Variants in LSAMP observed in about 807,000 individuals in gnomAD.
LSAMP encodes limbic system associated membrane protein.
LSAMP carries 7 observed loss-of-function variants against 38.6 expected under a neutral mutation model. That is an observed-to-expected ratio of 0.18 (90% CI 0.10 to 0.34). The LOEUF (loss-of-function observed/expected upper bound fraction) is 0.34, where lower values mean the gene tolerates loss of function less well. Ranked by LOEUF, LSAMP falls within the 10% of genes least tolerant of loss-of-function variation. The pLI, the probability that LSAMP is intolerant of heterozygous loss-of-function variation, is 1.00. For synonymous variants in LSAMP, 154 were observed against 166.8 expected (o/e 0.92, Z 0.59); for missense variants, 313 against 420.0 (o/e 0.75, Z 2.23).
chr3:115,859,387 GA>G, intron 3 of LSAMP, among the ~76,000 whole-genome samples: 1 of 152,162 alleles, frequency 6.6e-6, no homozygotes, highest in East Asian at 1.9e-4. Flanking sequence ...GGAGAGATGT[GA>G]TATAATGAGA....
At chr3:115,832,155 A>G (rs979156769) in intron 6 of LSAMP, among the ~76,000 whole-genome samples, 2 of 152,206 alleles carry the variant, frequency 1.3e-5, no homozygotes, top group East Asian at 1.9e-4. Context: ...AGATCCTCCA[A>G]TGAGAGATAT....
chr3:116,415,982 A>G (rs1380920969), intron 1 of LSAMP, among the ~76,000 whole-genome samples: 1 of 152,188 alleles, frequency 6.6e-6, no homozygotes, highest in Non-Finnish European at 1.5e-5. Context: ...CCTTAAAGTG[A>G]TGACATTCAC....
intron 1 of LSAMP, among the ~76,000 whole-genome samples, chr3:116,365,960 A>G (rs2048345859): frequency 1.0e-5 from 1 of 96,926 alleles, no homozygotes; most frequent in Non-Finnish European, 2.0e-5. Context: ...ACATGTATAC[A>G]TATGTAACTA....
At chr3:115,826,727 T>C (rs1393267071) in intron 6 of LSAMP, among the ~76,000 whole-genome samples, 4 of 152,190 alleles carry the variant, frequency 2.6e-5, no homozygotes, top group Non-Finnish European at 5.9e-5. Context: ...TGCCAAAAAA[T>C]GAGTTTTTAA....
intron 2 of LSAMP, among the ~76,000 whole-genome samples, chr3:116,055,737 G>A (rs1399785804): frequency 1.3e-5 from 2 of 152,184 alleles, no homozygotes; most frequent in African/African-American, 4.8e-5. Flanking sequence ...AGTGAAGAGT[G>A]ATTGGAGAAA....
chr3:116,344,211 T>C (rs535144174), intron 1 of LSAMP, among the ~76,000 whole-genome samples: 1 of 152,172 alleles, frequency 6.6e-6, no homozygotes, highest in African/African-American at 2.4e-5. Context: ...TGCTGAACTT[T>C]CTCCTTAAAA....
At chr3:116,444,448 C>T (rs1187216307) in intron 1 of LSAMP, among the ~76,000 whole-genome samples, 1 of 148,808 alleles carries the variant, frequency 6.7e-6, no homozygotes, top group Admixed American at 6.7e-5. Context: ...GTACTGTGTA[C>T]TACTCTCTGA....
chr3:116,154,202 G>C (rs1030610914), intron 1 of LSAMP, among the ~76,000 whole-genome samples: 1 of 152,114 alleles, frequency 6.6e-6, no homozygotes, highest in African/African-American at 2.4e-5. Flanking sequence ...CATGGGCCTT[G>C]TCAGGATAAT....
chr3:116,115,865 T>C (rs1708730826), intron 1 of LSAMP, among the ~76,000 whole-genome samples: 1 of 152,006 alleles, frequency 6.6e-6, no homozygotes, highest in South Asian at 2.1e-4. Flanking sequence ...CCTACTTGGA[T>C]TTTTCTTGGT....
intron 1 of LSAMP, among the ~76,000 whole-genome samples, chr3:116,194,280 G>A (rs1331094893): frequency 6.6e-6 from 1 of 152,154 alleles, no homozygotes; most frequent in African/African-American, 2.4e-5. Flanking sequence ...AGCAATATAG[G>A]CAGCGGAAGA....
intron 3 of LSAMP, among the ~76,000 whole-genome samples, chr3:116,008,467 ATAT>A (rs1352362002): frequency 6.6e-6 from 1 of 152,194 alleles, no homozygotes; most frequent in African/African-American, 2.4e-5. Flanking sequence ...GGCAGGGCAC[ATAT>A]TATTGTCTAC....
At chr3:115,841,045 G>A (rs1371424925) in intron 6 of LSAMP, among the ~76,000 whole-genome samples, 2 of 152,202 alleles carry the variant, frequency 1.3e-5, no homozygotes, top group Non-Finnish European at 2.9e-5. Flanking sequence ...ATCGGCATCT[G>A]CTTCTGTGCT....
chr3:116,063,480 G>A (rs1349714481), intron 2 of LSAMP, among the ~76,000 whole-genome samples: 2 of 152,146 alleles, frequency 1.3e-5, no homozygotes, highest in Admixed American at 6.5e-5. Context: ...CAGAATAGCT[G>A]TATATCCTAC....
rs1939538334 is a variant in LSAMP, at chr3:115,987,356, T to G, written c.514+32159A>C. On this transcript the variant is annotated intron_variant, in intron 3 of 6. Transcript: ENST00000490035. The stretch of plus-strand genomic sequence containing the variant: ...CCCTCTTCCCCCTTCACAGTGACCT[T>G]GGAGGCCATGTTTTTCCAATGGCAG... 2.6e-5 allele frequency among the ~76,000 whole-genome samples: 4 copies of G among 152,150 alleles called. 1 individual carries two copies. The South Asian group carries it at 8.3e-4, about 32-fold the overall frequency.
intron 1 of LSAMP, among the ~76,000 whole-genome samples, chr3:116,196,790 T>C (rs999894582): frequency 3.3e-5 from 5 of 152,132 alleles, no homozygotes; most frequent in Admixed American, 6.5e-5. Context: ...ATTTCATTCA[T>C]TGTACTTTCT....
intron 3 of LSAMP, among the ~76,000 whole-genome samples, chr3:116,007,070 T>G (rs2107669200): frequency 6.6e-6 from 1 of 152,360 alleles, no homozygotes; most frequent in South Asian, 2.1e-4. Flanking sequence ...TTAGATCTGA[T>G]TTGCATTGAT....
chr3:116,005,046 T>C (rs1940116982), intron 3 of LSAMP, among the ~76,000 whole-genome samples: 1 of 152,114 alleles, frequency 6.6e-6, no homozygotes, highest in Non-Finnish European at 1.5e-5. Flanking sequence ...GTAGCAGTAG[T>C]AGTAGTAGTA....
chr3:116,138,689 C>T (rs577678750), intron 1 of LSAMP, among the ~76,000 whole-genome samples: 1 of 152,128 alleles, frequency 6.6e-6, no homozygotes, highest in East Asian at 1.9e-4. Flanking sequence ...AAAACACTTT[C>T]AGAAGCATGT....
At chr3:116,341,878 G>T (rs2047999909) in intron 1 of LSAMP, among the ~76,000 whole-genome samples, 1 of 152,000 alleles carries the variant, frequency 6.6e-6, no homozygotes, top group Non-Finnish European at 1.5e-5. Flanking sequence ...GAAATGGAAT[G>T]ATGTATTTAT....
Sources: gnomAD v4.1 joint callset for allele counts (sites outside exome capture counted in the v4.1 genomes callset) on GRCh38, gnomAD v4.1.1 for gene constraint, MANE v1.5 for transcripts, NCBI Gene and HGNC (gene_info 2026-07-23, HGNC 2026-07-21) for gene names.